SCN9A: variants seen among roughly 807,000 people sequenced by gnomAD.
SCN9A encodes the protein sodium voltage-gated channel alpha subunit 9.
In SCN9A, 131 loss-of-function variants were observed where a neutral mutation model predicts 187.0. The ratio of observed to expected loss-of-function variants is 0.70; its 90% confidence interval spans 0.61 to 0.81. SCN9A has a LOEUF of 0.81. Among genes scored for constraint, SCN9A ranks in the 30% least tolerant of loss-of-function variants. The probability of loss-of-function intolerance (pLI) is 0.00; values close to 1 mark genes in which losing one functional copy is unlikely to be tolerated. For synonymous variants in SCN9A, 809 were observed against 808.6 expected, an observed-to-expected ratio of 1.00 and a Z score of -0.01; for missense variants, 2,252 against 2,396.6, an observed-to-expected ratio of 0.94 and a Z score of 1.26.
chr2:166,224,773 T>C lies in SCN9A; in HGVS notation c.4398+1794A>G, dbSNP rs142218997. 2.1e-3 allele frequency among the ~76,000 whole-genome samples: 313 copies of C among 152,278 alleles called. 4 individuals are homozygous for C. The East Asian group carries it at 0.05, about 24-fold the overall frequency. ...CCCTAGTCATTTTGTGCATCACTGC[T>C]AGATTAATTTTTTGTAAAGCTCAGT... On this transcript the variant is annotated intron_variant, in intron 24 of 26. Coordinates refer to ENST00000642356, the MANE Select transcript of SCN9A (RefSeq NM_001365536.1).
intron 18 of SCN9A, among the ~76,000 whole-genome samples, chr2:166,247,225 C>G (rs1282860005): frequency 7.1e-6 from 1 of 140,988 alleles, no homozygotes; most frequent in African/African-American, 2.6e-5. Flanking sequence ...AAAAGACAGA[C>G]TATTCATTAA....
chr2:166,300,222 C>T lies in SCN9A; in HGVS notation c.901+2868G>A, dbSNP rs1298220911. 1.3e-5 allele frequency among the ~76,000 whole-genome samples: 2 copies of T among 150,804 alleles called. 1 individual carries two copies. Among genetic ancestry groups the T allele is most frequent in the African/African-American group, 5.0e-5 (2 of 40,184 alleles). On this transcript the variant is annotated intron_variant, in intron 7 of 26. Coordinates refer to ENST00000642356, the MANE Select transcript of SCN9A (RefSeq NM_001365536.1). ...CTGCATGATATGACCCCTATTTTTT[C>T]TGCTACTTTCTCTGTTGCCATTCTT...
chr2:166,366,191 G>A (rs982313186), intron 1 of SCN9A, among the ~76,000 whole-genome samples: 2 of 152,166 alleles, frequency 1.3e-5, no homozygotes, highest in African/African-American at 4.8e-5. Flanking sequence ...CCTAGGCTAA[G>A]ATAAATCAGT....
chr2:166,269,462 A>G (rs189558913), intron 17 of SCN9A, among the ~76,000 whole-genome samples: 1 of 152,140 alleles, frequency 6.6e-6, no homozygotes, highest in Non-Finnish European at 1.5e-5. Context: ...CAAAGAGAGG[A>G]CAAGAGAGGT....
chr2:166,313,594 AGGCTTT>A (rs1699033171), intron 1 of SCN9A, among the ~76,000 whole-genome samples: 1 of 152,086 alleles, frequency 6.6e-6, no homozygotes, highest in African/African-American at 2.4e-5. Flanking sequence ...GCTGTGGATT[AGGCTTT>A]GGCTTAAGGA....
intron 24 of SCN9A, chr2:166,205,011 G>A (rs1693729678): frequency 2.0e-5 from 3 of 152,038 alleles, no homozygotes; most frequent in Admixed American, 1.3e-4. Context: ...AAATAAAAGA[G>A]GACACAAACA....
At chr2:166,299,077 G>T (rs1698441897) in intron 7 of SCN9A, among the ~76,000 whole-genome samples, 1 of 151,782 alleles carries the variant, frequency 6.6e-6, no homozygotes, top group Admixed American at 6.6e-5. Flanking sequence ...CTCCTGTTTC[G>T]GTGGAGCTGT....
chr2:166,358,201 C>G (rs1257524201), intron 1 of SCN9A, among the ~76,000 whole-genome samples: 1 of 151,876 alleles, frequency 6.6e-6, no homozygotes, highest in Non-Finnish European at 1.5e-5. Context: ...TCCTGAGTAG[C>G]TCGGATTAGA....
chr2:166,344,231 C>A (rs1261179809), intron 1 of SCN9A, among the ~76,000 whole-genome samples: 1 of 151,936 alleles, frequency 6.6e-6, no homozygotes, highest in African/African-American at 2.4e-5. Context: ...AAAAGTATAT[C>A]AAAATATGAC....
chr2:166,374,833 C>T (rs887213411), intron 1 of SCN9A, among the ~76,000 whole-genome samples: 1 of 151,910 alleles, frequency 6.6e-6, no homozygotes, highest in Non-Finnish European at 1.5e-5. Flanking sequence ...ATCTTACTGA[C>T]ACTAGCTTCT....
At chr2:166,264,088 C>T (rs763177756) in intron 17 of SCN9A, among the ~76,000 whole-genome samples, 16 of 151,862 alleles carry the variant, frequency 1.1e-4, no homozygotes, top group Admixed American at 1.1e-3. Context: ...GACCCTGAGC[C>T]CTTATATTTT....
chr2:166,374,358 A>G (rs544422821), intron 1 of SCN9A, among the ~76,000 whole-genome samples: 2 of 152,358 alleles, frequency 1.3e-5, no homozygotes, highest in East Asian at 1.9e-4. Flanking sequence ...TAGAGGGCAC[A>G]TTCTTCTTTA....
chr2:166,286,626 G>A lies in SCN9A; in HGVS notation c.1315-3C>T, dbSNP rs774682455. 11 of 1,530,760 alleles carry A rather than the reference G, an allele frequency of 7.2e-6. No homozygotes were observed. The highest frequency in any genetic ancestry group is 8.7e-6 in the Non-Finnish European group (10 of 1,144,500). The allele number at this position is 1,530,760 out of a possible 1,614,324, so 94.8% of individuals were successfully genotyped here. ...TCAGCCGCTGCCGCTGCAATTGCCTGGTTGGGCCAAGACGTTAACACTTAA... is the reference window on the plus strand; with the variant it reads ...TCAGCCGCTGCCGCTGCAATTGCCTAGTTGGGCCAAGACGTTAACACTTAA... On this transcript the variant is annotated splice_region_variant and splice_polypyrimidine_tract_variant and intron_variant, in intron 10 of 26. Transcript: ENST00000642356.
intron 2 of SCN9A, among the ~76,000 whole-genome samples, chr2:166,311,137 A>G (rs1487818167): frequency 1.8e-5 from 2 of 112,104 alleles, no homozygotes; most frequent in African/African-American, 4.0e-5. Context: ...TGGGAGATAT[A>G]CCTAATGCTA....
intron 1 of SCN9A, among the ~76,000 whole-genome samples, chr2:166,316,185 T>G (rs1463223770): frequency 6.6e-6 from 1 of 152,176 alleles, no homozygotes; most frequent in Non-Finnish European, 1.5e-5. Flanking sequence ...TCTCATAAAA[T>G]TTAGTAAAAA....
At chr2:166,365,724 A>G (rs906331789) in intron 1 of SCN9A, among the ~76,000 whole-genome samples, 2 of 152,170 alleles carry the variant, frequency 1.3e-5, no homozygotes, top group Non-Finnish European at 1.5e-5. Flanking sequence ...CCCTGTATAA[A>G]ATTTTTCAGA....
intron 1 of SCN9A, among the ~76,000 whole-genome samples, chr2:166,319,816 G>C (rs988230142): frequency 6.6e-6 from 1 of 152,138 alleles, no homozygotes; most frequent in Non-Finnish European, 1.5e-5. Flanking sequence ...TTGAGAGGTA[G>C]AGGGGGATTA....
At chr2:166,236,821 A>G (rs1257611463) in intron 20 of SCN9A, among the ~76,000 whole-genome samples, 2 of 152,234 alleles carry the variant, frequency 1.3e-5, no homozygotes, top group Admixed American at 6.5e-5. Flanking sequence ...AGATTTTACT[A>G]TGTATGATCA....
intron 2 of SCN9A, among the ~76,000 whole-genome samples, chr2:166,309,888 G>C (rs957044427): frequency 6.7e-6 from 1 of 148,676 alleles, no homozygotes; most frequent in African/African-American, 2.5e-5. Flanking sequence ...GCATGGTACT[G>C]GTACCAAAAC....
Sources: allele counts gnomAD v4.1 joint callset (sites outside exome capture counted in the v4.1 genomes callset), GRCh38; gene constraint gnomAD v4.1.1; transcripts MANE v1.5; gene names NCBI Gene and HGNC (gene_info 2026-07-23, HGNC 2026-07-21).